Variants in POC1B observed in about 807,000 individuals in gnomAD.
The protein encoded by POC1B is POC1 centriolar protein homolog B.
Under a neutral mutation model 60.6 loss-of-function variants are expected in POC1B, and 44 were observed. The observed-to-expected ratio is 0.73, with a 90% confidence interval of 0.57 to 0.93. The LOEUF (loss-of-function observed/expected upper bound fraction) is 0.93, where lower values mean the gene tolerates loss of function less well. Among genes scored for constraint, POC1B ranks in the 40% least tolerant of loss-of-function variants. The pLI, the probability that POC1B is intolerant of heterozygous loss-of-function variation, is 0.00. For synonymous variants in POC1B, 180 were observed against 198.9 expected, an observed-to-expected ratio of 0.90 and a Z score of 0.80; for missense variants, 555 against 572.3, an observed-to-expected ratio of 0.97 and a Z score of 0.31.
intron 9 of POC1B, among the ~76,000 whole-genome samples, chr12:89,465,992 C>T (rs1156900821): frequency 6.6e-6 from 1 of 152,204 alleles, no homozygotes; most frequent in African/African-American, 2.4e-5. Context: ...ACAGTGAATG[C>T]GGCTACCGTG....
chr12:89,403,156 C>T, the POC1B span, among the ~76,000 whole-genome samples: 3 of 152,002 alleles, frequency 2.0e-5, no homozygotes, highest in South Asian at 4.1e-4. Context: ...TACAGACGCC[C>T]GCCACCACAC....
chr12:89,451,290 G>A (rs1429723662), intron 10 of POC1B, among the ~76,000 whole-genome samples: 1 of 152,174 alleles, frequency 6.6e-6, no homozygotes, highest in African/African-American at 2.4e-5. Context: ...ATTCTGTAGT[G>A]ATTTGGAAAG....
intron 10 of POC1B, among the ~76,000 whole-genome samples, chr12:89,453,452 G>A (rs1176070478): frequency 3.3e-5 from 5 of 152,154 alleles, no homozygotes; most frequent in African/African-American, 1.2e-4. Flanking sequence ...AGCAGGGACA[G>A]GAGAAACATA....
At chr12:89,522,881 G>A (rs375709415) in intron 2 of POC1B, 15 of 1,611,794 alleles carry the variant, frequency 9.3e-6, no homozygotes, top group Admixed American at 3.4e-5. Context: ...ACATCAGGTC[G>A]GCCCTCCGGT....
At chr12:89,442,055 A>T (rs139582218) in intron 10 of POC1B, among the ~76,000 whole-genome samples, 1,683 of 152,294 alleles carry the variant, frequency 0.011, 45 homozygotes, top group Non-Finnish European at 9.0e-3. Context: ...AGTTTAGAGA[A>T]AAAAGAGTAA....
At chr12:89,501,986 G>A (rs1869594036) in intron 2 of POC1B, 7 of 965,650 alleles carry the variant, frequency 7.2e-6, no homozygotes, top group African/African-American at 1.6e-5. Context: ...TTGGCTAAGA[G>A]GAAAAATCTG....
At chr12:89,478,450 G>A (rs1883201686) in intron 4 of POC1B, among the ~76,000 whole-genome samples, 1 of 152,048 alleles carries the variant, frequency 6.6e-6, no homozygotes, top group Non-Finnish European at 1.5e-5. Context: ...AGTGCTCCAC[G>A]CTGGCTTCCC....
At chr12:89,517,861 C>T (rs1870527272) in intron 2 of POC1B, among the ~76,000 whole-genome samples, 1 of 152,134 alleles carries the variant, frequency 6.6e-6, no homozygotes, top group Admixed American at 6.5e-5. Context: ...GTAGCCTTAA[C>T]TAAATAAGGG....
chr12:89,441,493 C>T (rs1881520092), intron 10 of POC1B, among the ~76,000 whole-genome samples: 1 of 152,200 alleles, frequency 6.6e-6, no homozygotes, highest in Non-Finnish European at 1.5e-5. Context: ...TGGTGATACC[C>T]AGGCAAACAG....
chr12:89,435,890 CAT>C (rs1881240029), intron 10 of POC1B, among the ~76,000 whole-genome samples: 1 of 151,472 alleles, frequency 6.6e-6, no homozygotes, highest in African/African-American at 2.4e-5. Flanking sequence ...CACGCATATG[CAT>C]GTGTGTGTAT....
intron 4 of POC1B, among the ~76,000 whole-genome samples, chr12:89,478,091 ATT>A: frequency 6.8e-6 from 1 of 146,396 alleles, no homozygotes; most frequent in African/African-American, 2.7e-5. Context: ...TCATTCATTC[ATT>A]CATTCATTCA....
At chr12:89,464,802 G>GAAA (rs75294490) in intron 9 of POC1B, among the ~76,000 whole-genome samples, 1 of 124,204 alleles carries the variant, frequency 8.1e-6, no homozygotes, top group African/African-American at 3.1e-5. Context: ...ATTTTTTCAG[G>GAAA]AAAAAAAAAA....
chr12:89,454,239 G>A (rs1882166279), intron 10 of POC1B, among the ~76,000 whole-genome samples: 1 of 152,144 alleles, frequency 6.6e-6, no homozygotes, highest in Admixed American at 6.5e-5. Context: ...CTGTCCCTGG[G>A]GAAGGGAGAT....
intron 11 of POC1B, among the ~76,000 whole-genome samples, chr12:89,424,360 C>T (rs192087523): frequency 6.6e-6 from 1 of 152,274 alleles, no homozygotes; most frequent in East Asian, 1.9e-4. Flanking sequence ...TTATAATGTA[C>T]AGTCAGGGTT....
At chr12:89,484,811 G>A (rs2135731367) in intron 4 of POC1B, among the ~76,000 whole-genome samples, 1 of 152,334 alleles carries the variant, frequency 6.6e-6, no homozygotes, top group Admixed American at 6.5e-5. Context: ...GCAAGAGCTG[G>A]TCAGCAGCCT....
At chr12:89,509,902 G>A (rs556149891) in intron 2 of POC1B, among the ~76,000 whole-genome samples, 1 of 152,316 alleles carries the variant, frequency 6.6e-6, no homozygotes, top group South Asian at 2.1e-4. Flanking sequence ...CTGGAGTGCC[G>A]TGGGGCGATT....
intron 2 of POC1B, among the ~76,000 whole-genome samples, chr12:89,506,656 CTA>C (rs1363399017): frequency 6.6e-6 from 1 of 152,052 alleles, no homozygotes; most frequent in Non-Finnish European, 1.5e-5. Flanking sequence ...TTTGCAGGGC[CTA>C]GTGCAAAACG....
In POC1B at chr12:89,438,006, G is replaced by C. The variant is rs1033183598; in HGVS notation, c.1114-12627C>G. ...GCGGAGGTTGCAGTGAGCCGACATT[G>C]TGCCACTGCACTCCAGCCTGGGCGA... On this transcript the variant is annotated intron_variant, in intron 10 of 11. Transcript: ENST00000313546. 9.2e-4 allele frequency among the ~76,000 whole-genome samples: 138 copies of C among 150,376 alleles called. 1 individual carries two copies. Among genetic ancestry groups the C allele is most frequent in the Admixed American group, 1.3e-3 (19 of 15,068 alleles).
At chr12:89,464,556 C>T (rs1216024876) in intron 9 of POC1B, among the ~76,000 whole-genome samples, 4 of 124,214 alleles carry the variant, frequency 3.2e-5, no homozygotes, top group Admixed American at 1.1e-4. Flanking sequence ...GACATGATCT[C>T]GGCTCACTAC....
Sources: gnomAD v4.1 joint callset for allele counts (sites outside exome capture counted in the v4.1 genomes callset) on GRCh38, gnomAD v4.1.1 for gene constraint, MANE v1.5 for transcripts, NCBI Gene and HGNC (gene_info 2026-07-23, HGNC 2026-07-21) for gene names.